RTL9: variants seen among roughly 807,000 people sequenced by gnomAD.
RTL9 encodes the protein retrotransposon Gag like 9.
In RTL9, 19 loss-of-function variants were observed where a neutral mutation model predicts 44.7. That is an observed-to-expected ratio of 0.42 (90% CI 0.30 to 0.62). The LOEUF (loss-of-function observed/expected upper bound fraction) is 0.62. Ranked by LOEUF, RTL9 falls within the 20% of genes least tolerant of loss-of-function variation. The probability of loss-of-function intolerance (pLI) is 0.16; values close to 1 mark genes in which losing one functional copy is unlikely to be tolerated. For synonymous variants in RTL9, 407 were observed against 398.9 expected, an observed-to-expected ratio of 1.02 and a Z score of -0.24; for missense variants, 1,105 against 1,080.6, an observed-to-expected ratio of 1.02 and a Z score of -0.32.
chrX:110,406,230 T>C (rs933706894), intron 1 of RTL9, among the ~76,000 whole-genome samples: 2 of 110,037 alleles, frequency 1.8e-5, no homozygotes, highest in East Asian at 5.7e-4. Context: ...CTACATTAGG[T>C]ATTTCTCCTA....
rs769293978 is a variant in RTL9 at position 110,365,427 on chromosome X, T to C, written c.-168+6511T>C. On this transcript the variant is annotated intron_variant, in intron 1 of 2. Coordinates refer to the RTL9 transcript ENST00000520821. ...AATCACTTACCTTATTGCATTCTTGTAGCGTGATCTATATGCTTTAGTTCA... is the reference window on the plus strand; with the variant it reads ...AATCACTTACCTTATTGCATTCTTGCAGCGTGATCTATATGCTTTAGTTCA... Among the ~76,000 whole-genome samples the C allele has an allele frequency of 3.6e-5, 4 of 112,456 alleles. No individual in the cohort carries two copies. In the East Asian group the frequency reaches 1.1e-3, roughly 31 times the overall value.
At chrX:110,455,593 A>T in exon 2 of RTL9, 1 of 254,965 alleles carries the variant, frequency 3.9e-6, no homozygotes, top group Non-Finnish European at 7.1e-6. Context: ...GGCCAGTCCT[A>T]GTTCTTGGTC....
intron 1 of RTL9, among the ~76,000 whole-genome samples, chrX:110,398,988 G>T (rs2068546434): frequency 8.9e-6 from 1 of 111,900 alleles, no homozygotes; most frequent in East Asian, 2.8e-4. Flanking sequence ...CATATATGTT[G>T]ACTAGGAGAG....
At chrX:110,385,011 A>C (rs2068445359) in intron 1 of RTL9, among the ~76,000 whole-genome samples, 1 of 111,076 alleles carries the variant, frequency 9.0e-6, no homozygotes, top group Non-Finnish European at 1.9e-5. Context: ...AGACTATCAT[A>C]GTTCCAGCAG....
At chrX:110,367,260 C>G (rs1391266015) in intron 1 of RTL9, among the ~76,000 whole-genome samples, 1 of 111,998 alleles carries the variant, frequency 8.9e-6, no homozygotes, top group Non-Finnish European at 1.9e-5. Context: ...CCCCATTTCT[C>G]TCCTCCTCAG....
intron 1 of RTL9, among the ~76,000 whole-genome samples, chrX:110,442,245 C>CTGTGTGTG (rs778332389): frequency 9.9e-6 from 1 of 100,785 alleles, no homozygotes; most frequent in African/African-American, 3.8e-5. Flanking sequence ...CTCTCTCTCT[C>CTGTGTGTG]TCTGTGTGTG....
intron 1 of RTL9, 21 bp from the exon 4 acceptor site, chrX:110,455,181 T>C: frequency 8.3e-7 from 1 of 1,209,056 alleles, no homozygotes; most frequent in Non-Finnish European, 1.1e-6. Flanking sequence ...CTTACCTCTG[T>C]TGTCTTTTTC....
At chrX:110,429,363 C>G (rs2068778058) in intron 1 of RTL9, among the ~76,000 whole-genome samples, 1 of 111,282 alleles carries the variant, frequency 9.0e-6, no homozygotes, top group Non-Finnish European at 1.9e-5. Context: ...CACTGCAAAC[C>G]TGATTTAAAT....
At chrX:110,378,008 C>CAAAAAAAAAAAAAAA (rs755483656) in intron 1 of RTL9, among the ~76,000 whole-genome samples, 4 of 30,948 alleles carry the variant, frequency 1.3e-4, no homozygotes, top group African/African-American at 5.5e-4. Context: ...GACTCCGTCT[C>CAAAAAAAAAAAAAAA]AAAAAAAAAA....
chrX:110,442,147 C>T (rs377416220), intron 1 of RTL9, among the ~76,000 whole-genome samples: 2 of 110,053 alleles, frequency 1.8e-5, no homozygotes, highest in Non-Finnish European at 3.8e-5. Flanking sequence ...CTGGTGAGCA[C>T]GTGCCTCACC....
At chrX:110,377,527 G>A in intron 1 of RTL9, among the ~76,000 whole-genome samples, 1 of 111,573 alleles carries the variant, frequency 9.0e-6, no homozygotes, top group Non-Finnish European at 1.9e-5. Flanking sequence ...ACTTGTAAAA[G>A]GCTCGAACTA....
intron 1 of RTL9, among the ~76,000 whole-genome samples, chrX:110,392,283 T>G (rs1461200497): frequency 9.6e-6 from 1 of 103,814 alleles, no homozygotes; most frequent in Admixed American, 1.0e-4. Flanking sequence ...TTTTTTTTTT[T>G]TTTTTTTTTT....
chrX:110,421,645 A>C (rs1204156486), intron 1 of RTL9, among the ~76,000 whole-genome samples: 1 of 113,035 alleles, frequency 8.8e-6, no homozygotes, highest in East Asian at 2.8e-4. Flanking sequence ...AGTGTAAACA[A>C]AGCTCAAATT....
upstream of RTL9, among the ~76,000 whole-genome samples, chrX:110,418,711 G>A (rs1276607687): frequency 9.0e-6 from 1 of 111,623 alleles, no homozygotes; most frequent in East Asian, 2.8e-4. Flanking sequence ...CAGCGCATGG[G>A]AGCTGGGAAA....
chrX:110,371,567 A>T (rs762257439), intron 1 of RTL9, among the ~76,000 whole-genome samples: 1 of 110,855 alleles, frequency 9.0e-6, no homozygotes, highest in Non-Finnish European at 1.9e-5. Flanking sequence ...TGGTAACCAT[A>T]TGAATTGGCT....
At chrX:110,433,549 A>G (rs1166020862) in intron 1 of RTL9, among the ~76,000 whole-genome samples, 1 of 111,888 alleles carries the variant, frequency 8.9e-6, no homozygotes, top group Non-Finnish European at 1.9e-5. Flanking sequence ...TGAAGTTTAT[A>G]TGTTATACAT....
intron 1 of RTL9, among the ~76,000 whole-genome samples, chrX:110,406,288 G>A (rs1299409394): frequency 1.0e-3 from 106 of 106,306 alleles, no homozygotes; most frequent in African/African-American, 3.6e-3. Context: ...CCCGGTGTGT[G>A]ATGTTCCCCT....
chrX:110,437,693 G>A (rs1320920651), intron 1 of RTL9, among the ~76,000 whole-genome samples: 2 of 111,729 alleles, frequency 1.8e-5, no homozygotes, highest in Non-Finnish European at 3.8e-5. Flanking sequence ...TTCAATGCGG[G>A]TATCAGAGGA....
intron 1 of RTL9, among the ~76,000 whole-genome samples, chrX:110,431,915 T>C (rs2068799888): frequency 8.9e-6 from 1 of 111,789 alleles, no homozygotes; most frequent in African/African-American, 3.3e-5. Flanking sequence ...GAGTTGACAC[T>C]GTCCAAAGGG....
Sources: allele counts gnomAD v4.1 joint callset (sites outside exome capture counted in the v4.1 genomes callset), GRCh38; gene constraint gnomAD v4.1.1; transcripts MANE v1.5; gene names NCBI Gene and HGNC (gene_info 2026-07-23, HGNC 2026-07-21).